ZNF326: variants seen among roughly 807,000 people sequenced by gnomAD.
ZNF326 encodes the protein zinc finger protein 326, also known as DBIRD complex subunit ZNF326.
ZNF326 carries 30 observed loss-of-function variants against 63.1 expected under a neutral mutation model. The observed-to-expected ratio is 0.48, with a 90% confidence interval of 0.36 to 0.64. The LOEUF is 0.64. Ranked by LOEUF, ZNF326 falls within the 30% of genes least tolerant of loss-of-function variation. ZNF326 has a pLI of 0.00. For synonymous variants in ZNF326, 194 were observed against 228.2 expected, an observed-to-expected ratio of 0.85 and a Z score of 1.35; for missense variants, 609 against 720.3, an observed-to-expected ratio of 0.85 and a Z score of 1.77.
rs747280641 is a variant in ZNF326 at position 90,027,410 on chromosome 1, TGAG to T, written c.1464_1466del (p.Glu488del). ...CTCAGGATCAGCAAATAGAAGGAGA[TGAG>T]GAGGATGAAGAGAAGATTGATGAAC... On this transcript the variant is annotated inframe_deletion, in exon 12 of 12. Transcript: ENST00000340281. 11 of 1,613,388 alleles carry T rather than the reference TGAG, an allele frequency of 6.8e-6. No homozygotes were observed. The Admixed American group carries it at 8.3e-5, about 12-fold the overall frequency.
chr1:90,025,225 A>G (rs74098663), intron 11 of ZNF326, among the ~76,000 whole-genome samples: 56 of 152,304 alleles, frequency 3.7e-4, no homozygotes, highest in African/African-American at 1.3e-3. Flanking sequence ...AAGATAAACA[A>G]AAAGCTGCCT....
chr1:90,026,326 T>C (rs1305590238), intron 11 of ZNF326, among the ~76,000 whole-genome samples: 2 of 152,144 alleles, frequency 1.3e-5, no homozygotes, highest in African/African-American at 4.8e-5. Context: ...AGCCCTTTTT[T>C]CTACTTAATC....
chr1:90,012,081 G>A (rs1045493023), intron 6 of ZNF326, among the ~76,000 whole-genome samples: 7 of 152,166 alleles, frequency 4.6e-5, no homozygotes, highest in Middle Eastern at 3.4e-3. Context: ...TGATCCATCC[G>A]CCTCAGCCTT....
In ZNF326 at chr1:90,030,453, T is replaced by A. The variant is rs142925650; in HGVS notation, c.*2752T>A. On this transcript the variant is annotated 3_prime_UTR_variant, in exon 12 of 12. Transcript: ENST00000340281. ...TCTTACCAGCCATAATGGCCTTTTG[T>A]TACTTTTTTGATGAGTTCTTTCCTA... 1 of 152,144 alleles carries A rather than the reference T, an allele frequency of 6.6e-6. No homozygotes were observed. Among genetic ancestry groups the A allele is most frequent in the Non-Finnish European group, 1.5e-5 (1 of 68,046 alleles). The allele number at this position is 152,144 out of a possible 1,614,324, so 9.4% of individuals were successfully genotyped here. A position where few individuals can be genotyped will look rare whatever the true frequency, so the allele number is the denominator to read the frequency against.
At position 90,033,808 on chromosome 1, in the gene ZNF326, T is replaced by C. The variant is rs1282281001; in HGVS notation, c.*6107T>C. 7 of 152,124 alleles carry C rather than the reference T, an allele frequency of 4.6e-5. No individual in the cohort carries two copies. The highest frequency in any genetic ancestry group is 1.0e-4 in the Non-Finnish European group (7 of 68,008). The allele number at this position is 152,124 out of a possible 1,614,324, so 9.4% of individuals were successfully genotyped here. On this transcript the variant is annotated 3_prime_UTR_variant, in exon 12 of 12. Coordinates refer to ENST00000340281, the MANE Select transcript of ZNF326 (RefSeq NM_182976.4). ...GATTAAGAGCCATATGTATAGAGAA[T>C]TCACCATTGAATACCCTGCATATAT...
In ZNF326 at chr1:90,003,169, C is replaced by T. The variant is rs562033083; in HGVS notation, c.62-1834C>T. On this transcript the variant is annotated intron_variant, in intron 2 of 11. Transcript: ENST00000340281. ...TTCTTTGAGACGGGTCTCACTCTGTCGCCCAGGCTGGAGTGCAGTGGCACG... is the reference window on the plus strand; with the variant it reads ...TTCTTTGAGACGGGTCTCACTCTGTTGCCCAGGCTGGAGTGCAGTGGCACG... Among the ~76,000 whole-genome samples the T allele has an allele frequency of 1.2e-4, 18 of 148,986 alleles. No homozygotes were observed. The South Asian group carries it at 3.2e-3, about 26-fold the overall frequency.
chr1:90,020,728 A>T, intron 9 of ZNF326, 64 bp from the exon 10 acceptor site: 1 of 1,526,666 alleles, frequency 6.6e-7, no homozygotes, highest in Middle Eastern at 2.0e-4. Context: ...ATTAAGTAGT[A>T]AAAACTTCAT....
intron 6 of ZNF326, among the ~76,000 whole-genome samples, chr1:90,011,472 G>C (rs1181893198): frequency 6.7e-6 from 1 of 150,082 alleles, no homozygotes; most frequent in Non-Finnish European, 1.5e-5. Flanking sequence ...CATCCAAAAG[G>C]ATAAGCAGTG....
At chr1:90,003,294 C>T (rs148329028) in intron 2 of ZNF326, among the ~76,000 whole-genome samples, 9 of 152,062 alleles carry the variant, frequency 5.9e-5, no homozygotes, top group Non-Finnish European at 4.4e-5. Flanking sequence ...CCACACCCAG[C>T]TAATTTTTTT....
chr1:90,034,872 A>T lies in ZNF326; in HGVS notation c.*7171A>T, dbSNP rs909788892. The stretch of plus-strand genomic sequence containing the variant: ...TAATTTGTTGAAACTGGTCATGTTG[A>T]AAAAACATGACCAATTAAATATCCC... On this transcript the variant is annotated 3_prime_UTR_variant, in exon 12 of 12. Transcript: ENST00000340281. 2 of 152,142 alleles carry T rather than the reference A, an allele frequency of 1.3e-5. No individual in the cohort carries two copies. The highest frequency in any genetic ancestry group is 4.8e-5 in the African/African-American group (2 of 41,444). The allele number at this position is 152,142 out of a possible 1,614,324, so 9.4% of individuals were successfully genotyped here. A position where few individuals can be genotyped will look rare whatever the true frequency, so the allele number is the denominator to read the frequency against.
intron 9 of ZNF326, among the ~76,000 whole-genome samples, chr1:90,019,580 C>T (rs1370523837): frequency 6.6e-6 from 1 of 152,064 alleles, no homozygotes; most frequent in East Asian, 1.9e-4. Flanking sequence ...GGTTTCTCTG[C>T]CACTCTTTTA....
chr1:90,001,237 C>T (rs1054832093), intron 2 of ZNF326, among the ~76,000 whole-genome samples: 1 of 152,164 alleles, frequency 6.6e-6, no homozygotes, highest in Non-Finnish European at 1.5e-5. Context: ...TAGTTAAGAA[C>T]CACTGGTATA....
intron 2 of ZNF326, among the ~76,000 whole-genome samples, chr1:89,999,313 G>A (rs1183702420): frequency 6.7e-6 from 1 of 150,052 alleles, no homozygotes; most frequent in Non-Finnish European, 1.5e-5. Flanking sequence ...AAACTGGAAT[G>A]TATGACTAGT....
At chr1:90,024,562 A>T (rs961268264) in intron 11 of ZNF326, among the ~76,000 whole-genome samples, 5 of 152,116 alleles carry the variant, frequency 3.3e-5, no homozygotes, top group Admixed American at 3.3e-4. Flanking sequence ...AACCTTTAAT[A>T]ACCTCATGTC....
intron 5 of ZNF326, 82 bp from the exon 6 acceptor site, chr1:90,010,006 A>T: frequency 7.4e-7 from 1 of 1,359,702 alleles, no homozygotes; most frequent in Admixed American, 2.0e-5. Context: ...AAATTAGTAG[A>T]TAGTTAACAT....
At chr1:90,006,173 G>T in intron 4 of ZNF326, 1 of 985,394 alleles carries the variant, frequency 1.0e-6, no homozygotes, top group South Asian at 4.7e-5. Flanking sequence ...AATTAAGAAA[G>T]TGAACAGTTG....
chr1:90,004,798 C>CTTTT (rs34878438), intron 2 of ZNF326, among the ~76,000 whole-genome samples: 4,131 of 68,072 alleles, frequency 0.061, 548 homozygotes, highest in Middle Eastern at 0.14. Context: ...AATATCAGGG[C>CTTTT]TTTTTTTTTT....
rs757629605 is a variant in ZNF326 at position 90,027,500 on chromosome 1, G to A, written c.1548G>A (p.Glu516=). Residue 516 remains glutamate (E), a synonymous_variant, in exon 12 of 12, where the codon GAG becomes GAA. Coordinates refer to ENST00000340281, the MANE Select transcript of ZNF326 (RefSeq NM_182976.4). ...AAGCAGAGGAAGTGGGGGAAGTAGA[G>A]GAAGTGGAAGAAGTAGAGGAAGTGA... ...EEEAEEVGEV[E]EVEEVEEVRE... The A allele has an allele frequency of 3.7e-6, 6 of 1,612,820 alleles. No individual in the cohort carries two copies. The South Asian group carries it at 6.6e-5, about 18-fold the overall frequency.
intron 11 of ZNF326, among the ~76,000 whole-genome samples, chr1:90,027,065 ATG>A (rs59960066): frequency 1.1e-4 from 16 of 149,266 alleles, no homozygotes; most frequent in Non-Finnish European, 1.9e-4. Context: ...ATGTGTATAT[ATG>A]TGTGTGTGTG....
Sources: gnomAD v4.1 joint callset for allele counts (sites outside exome capture counted in the v4.1 genomes callset) on GRCh38, gnomAD v4.1.1 for gene constraint, MANE v1.5 for transcripts, NCBI Gene and HGNC (gene_info 2026-07-23, HGNC 2026-07-21) for gene names.